The following RBFOX1 variants were observed in gnomAD, a reference collection of about 807,000 sequenced individuals.
RBFOX1 encodes the protein RNA binding protein fox-1 homolog 1.
RBFOX1 carries 8 observed loss-of-function variants against 57.7 expected under a neutral mutation model. The ratio of observed to expected loss-of-function variants is 0.14; its 90% CI spans 0.08 to 0.25. RBFOX1 has a LOEUF of 0.25. Ranked by LOEUF, RBFOX1 falls within the 10% of genes least tolerant of loss-of-function variation. The pLI, the probability that RBFOX1 is intolerant of heterozygous loss-of-function variation, is 1.00. For synonymous variants in RBFOX1, 326 were observed against 222.4 expected (o/e 1.47, Z -4.15); for missense variants, 611 against 548.5 (o/e 1.11, Z -1.14).
At chr16:7,040,888 T>G (rs1364347413) in intron 3 of RBFOX1, among the ~76,000 whole-genome samples, 1 of 148,738 alleles carries the variant, frequency 6.7e-6, no homozygotes, top group Non-Finnish European at 1.5e-5. Flanking sequence ...TAAATAAAGT[T>G]TTTTTTTTGT....
At chr16:6,908,357 C>A (rs529179789) in intron 3 of RBFOX1, among the ~76,000 whole-genome samples, 2 of 151,968 alleles carry the variant, frequency 1.3e-5, no homozygotes, top group African/African-American at 2.4e-5. Flanking sequence ...GCCTTTGCAC[C>A]CTTCTAACCC....
chr16:5,726,861 T>C (rs1392098280), intron 3 of RBFOX1, among the ~76,000 whole-genome samples: 1 of 152,166 alleles, frequency 6.6e-6, no homozygotes, highest in Non-Finnish European at 1.5e-5. Flanking sequence ...AATCGTATTG[T>C]TTTTAGTGTC....
At chr16:5,358,359 T>C (rs1381338268) in intron 1 of RBFOX1, among the ~76,000 whole-genome samples, 1 of 147,680 alleles carries the variant, frequency 6.8e-6, no homozygotes, top group Non-Finnish European at 1.5e-5. Context: ...AATCACACTC[T>C]GAGGTATTAG....
At chr16:5,775,953 C>T (rs2054133248) in intron 3 of RBFOX1, among the ~76,000 whole-genome samples, 1 of 152,176 alleles carries the variant, frequency 6.6e-6, no homozygotes, top group African/African-American at 2.4e-5. Context: ...CTGGGTTACA[C>T]ATTTCAGCTC....
Position 7,194,500 on chromosome 16 carries a change from TA to T in RBFOX1, c.27+142405del, listed in dbSNP as rs550386842. 3.4e-3 allele frequency among the ~76,000 whole-genome samples: 521 copies of T among 152,270 alleles called. 4 individuals carry two copies. The highest frequency in any genetic ancestry group is 0.012 in the African/African-American group (486 of 41,558). The stretch of plus-strand genomic sequence containing the variant: ...TTGGGAAAATCTAGCTCTTTGGGGC[TA>T]AAGATTTCAAAATGTACATTTAAAT... On this transcript the variant is annotated intron_variant, in intron 4 of 15. Transcript: ENST00000550418.
chr16:6,778,989 A>G (rs2079869604), intron 3 of RBFOX1, among the ~76,000 whole-genome samples: 1 of 152,060 alleles, frequency 6.6e-6, no homozygotes, highest in African/African-American at 2.4e-5. Flanking sequence ...AACTTTAAAT[A>G]TTTATCATTT....
chr16:7,536,368 T>C (rs1166716705), intron 5 of RBFOX1, among the ~76,000 whole-genome samples: 1 of 152,146 alleles, frequency 6.6e-6, no homozygotes. Context: ...CCAAGGTGGG[T>C]GGATCTCTTG....
intron 3 of RBFOX1, among the ~76,000 whole-genome samples, chr16:6,723,552 A>G (rs1442500465): frequency 6.6e-6 from 1 of 152,210 alleles, no homozygotes; most frequent in Non-Finnish European, 1.5e-5. Context: ...TTCTAACACA[A>G]GTCATTGGTT....
At chr16:5,331,174 G>A (rs2064745139) in intron 1 of RBFOX1, among the ~76,000 whole-genome samples, 1 of 152,168 alleles carries the variant, frequency 6.6e-6, no homozygotes, top group South Asian at 2.1e-4. Flanking sequence ...GATAGGGTAA[G>A]CCTGGAATTG....
At chr16:5,421,991 T>C (rs77249893) in intron 1 of RBFOX1, among the ~76,000 whole-genome samples, 5,766 of 152,266 alleles carry the variant, frequency 0.038, 125 homozygotes, top group South Asian at 0.07. Flanking sequence ...AGAAAGGGTG[T>C]CTATACACTT....
intron 4 of RBFOX1, among the ~76,000 whole-genome samples, chr16:7,486,782 C>T (rs2065509710): frequency 6.6e-6 from 1 of 152,318 alleles, no homozygotes; most frequent in East Asian, 1.9e-4. Flanking sequence ...AGGAGACAAG[C>T]TATGCAATAG....
At chr16:5,390,721 C>G (rs892929933) in intron 1 of RBFOX1, among the ~76,000 whole-genome samples, 2 of 152,184 alleles carry the variant, frequency 1.3e-5, no homozygotes, top group African/African-American at 4.8e-5. Flanking sequence ...TGACCCACAC[C>G]TAACCCCAAT....
At chr16:6,016,526 C>G (rs1342076406), upstream of RBFOX1, among the ~76,000 whole-genome samples, 1 of 152,078 alleles carries the variant, frequency 6.6e-6, no homozygotes, top group Non-Finnish European at 1.5e-5. Flanking sequence ...TAGGAAGATC[C>G]TAAGTTTTAA....
intron 3 of RBFOX1, among the ~76,000 whole-genome samples, chr16:6,684,725 C>G (rs1603408369): frequency 6.6e-6 from 1 of 152,160 alleles, no homozygotes; most frequent in African/African-American, 2.4e-5. Context: ...GCATGAGGGC[C>G]TAGCCCCCTG....
At chr16:7,073,306 G>A (rs1210710285) in intron 4 of RBFOX1, among the ~76,000 whole-genome samples, 2 of 152,110 alleles carry the variant, frequency 1.3e-5, no homozygotes, top group African/African-American at 2.4e-5. Flanking sequence ...GAAAATGTCA[G>A]CCAATCCCTT....
chr16:6,306,792 T>C (rs2079562209), intron 1 of RBFOX1, among the ~76,000 whole-genome samples: 1 of 152,136 alleles, frequency 6.6e-6, no homozygotes, highest in Non-Finnish European at 1.5e-5. Flanking sequence ...AAAGTTGTCG[T>C]TTTCTCTGAT....
intron 3 of RBFOX1, among the ~76,000 whole-genome samples, chr16:5,729,396 C>CTTTTTTTTTT (rs71142649): frequency 9.0e-6 from 1 of 111,478 alleles, no homozygotes; most frequent in Non-Finnish European, 1.8e-5. Context: ...TTTTTCTTTT[C>CTTTTTTTTTT]TTTTTTTTTT....
At chr16:5,403,603 C>T (rs190683925) in intron 1 of RBFOX1, among the ~76,000 whole-genome samples, 2 of 152,088 alleles carry the variant, frequency 1.3e-5, no homozygotes, top group East Asian at 2.0e-4. Flanking sequence ...TGACACCATG[C>T]CCAGCTAATT....
chr16:7,276,403 G>A (rs1168188442), intron 4 of RBFOX1, among the ~76,000 whole-genome samples: 2 of 152,272 alleles, frequency 1.3e-5, no homozygotes, highest in African/African-American at 4.8e-5. Flanking sequence ...ACCCTGAAGA[G>A]CCTGGACATC....
Sources: gnomAD v4.1 joint callset for allele counts (sites outside exome capture counted in the v4.1 genomes callset) on GRCh38, gnomAD v4.1.1 for gene constraint, MANE v1.5 for transcripts, NCBI Gene and HGNC (gene_info 2026-07-23, HGNC 2026-07-21) for gene names.